The following PURB variants were observed in gnomAD, a reference collection of about 807,000 sequenced individuals.
PURB encodes the protein purine rich element binding protein B.
Under a neutral mutation model 21.1 loss-of-function variants are expected in PURB, and 11 were observed. The ratio of observed to expected loss-of-function variants is 0.52; its 90% confidence interval spans 0.33 to 0.86. PURB has a LOEUF of 0.86. Among genes scored for constraint, PURB ranks in the 40% least tolerant of loss-of-function variants. The pLI, the probability that PURB is intolerant of heterozygous loss-of-function variation, is 0.02. For synonymous variants in PURB, 246 were observed against 210.8 expected (o/e 1.17, Z -1.45); for missense variants, 357 against 456.5 (o/e 0.78, Z 1.99).
rs1041920009 is a variant in PURB, at chr7:44,882,706, G to A, written c.*1704C>T. 4.6e-5 allele frequency: 7 copies of A among 152,164 alleles called. No homozygotes were observed. The highest frequency in any genetic ancestry group is 1.7e-4 in the African/African-American group (7 of 41,440). The allele number at this position is 152,164 out of a possible 1,614,324, so 9.4% of individuals were successfully genotyped here. On this transcript the variant is annotated 3_prime_UTR_variant, in exon 1 of 1. Coordinates refer to ENST00000395699, the MANE Select transcript of PURB (RefSeq NM_033224.5). ...GGCAGCTCAAATAAGGGGCAGGCAT[G>A]CAGTTTAAAAAAAATACTAAGATTG...
rs1220306156 is a variant in PURB, at chr7:44,879,734, C to G, written c.*4676G>C. 1 of 152,574 alleles carries G rather than the reference C, an allele frequency of 6.6e-6. No homozygotes were observed. The highest frequency in any genetic ancestry group is 1.5e-5 in the Non-Finnish European group (1 of 68,028). 9.5% of individuals were successfully genotyped at this position (152,574 alleles called of 1,614,324 possible). On this transcript the variant is annotated 3_prime_UTR_variant, in exon 1 of 1. Transcript: ENST00000395699. ...AATAATACAAACCTTCTAACATTAG[C>G]AAAGATTTCTACTCTTCTTACACAG...
chr7:44,884,047 G>T lies in PURB; in HGVS notation c.*363C>A. The stretch of plus-strand genomic sequence containing the variant: ...AAATGCAACTGTTATCAATGGTCTG[G>T]GTAACTTGGACATGTTTCTTGCCCT... On this transcript the variant is annotated 3_prime_UTR_variant, in exon 1 of 1. Transcript: ENST00000395699. 1 of 296,028 alleles carries T rather than the reference G, an allele frequency of 3.4e-6. No homozygotes were observed. The allele number at this position is 296,028 out of a possible 1,614,324, so 18.3% of individuals were successfully genotyped here. A position where few individuals can be genotyped will look rare whatever the true frequency, so the allele number is the denominator to read the frequency against.
chr7:44,884,986 G>A lies in PURB; in HGVS notation c.363C>T (p.Ser121=), dbSNP rs763920000. 4 of 1,553,662 alleles carry A rather than the reference G, an allele frequency of 2.6e-6. No individual in the cohort carries two copies. Among genetic ancestry groups the A allele is most frequent in the African/African-American group, 1.4e-5 (1 of 71,446 alleles). Residue 121 remains serine, a synonymous_variant, in exon 1 of 1, where the codon AGC becomes AGT. Coordinates refer to ENST00000395699, the MANE Select transcript of PURB (RefSeq NM_033224.5). ...TGCGGTTCTCACGCACCAAGAATTC[G>A]CTCTTGAGCGCGCGCCGCGGCCCGC... ...EGGGPRRALK[S]EFLVRENRKY... is the part of the protein sequence containing the mutation.
rs1452491049 is a variant in PURB at position 44,877,808 on chromosome 7, C to T, written c.*6602G>A. The T allele has an allele frequency of 8.0e-6, 1 of 125,686 alleles. No homozygotes were observed. Among genetic ancestry groups the T allele is most frequent in the Non-Finnish European group, 1.7e-5 (1 of 58,520 alleles). 7.8% of individuals were successfully genotyped at this position (125,686 alleles called of 1,614,324 possible). ...GGACGATAAGAGCGAAACTCCGTCTCAAAAAAAAAAAAAGAATCCAGAGAG... is the reference window on the plus strand; with the variant it reads ...GGACGATAAGAGCGAAACTCCGTCTTAAAAAAAAAAAAAGAATCCAGAGAG... On this transcript the variant is annotated 3_prime_UTR_variant, in exon 1 of 1. Transcript: ENST00000395699.
At position 44,885,166 on chromosome 7, in the gene PURB, G is replaced by T. The variant is rs1281721068; in HGVS notation, c.183C>A (p.Ile61=). The T allele has an allele frequency of 1.3e-6, 2 of 1,582,506 alleles. No individual in the cohort carries two copies. The highest frequency in any genetic ancestry group is 1.7e-6 in the Non-Finnish European group (2 of 1,169,520). ...KQNAKGRFLK[I]AEVGAGGSKS... The stretch of plus-strand genomic sequence containing the variant: ...TGGAACCGCCCGCGCCCACCTCGGC[G>T]ATCTTGAGGAAGCGGCCCTTGGCGT... The change falls in exon 1 of 1, where the codon ATC becomes ATA. Residue 61 remains isoleucine (I), a synonymous_variant. Transcript: ENST00000395699.
At position 44,884,811 on chromosome 7, in the gene PURB, T is replaced by C. The variant is rs767103600; in HGVS notation, c.538A>G (p.Ile180Val). 1 of 1,594,550 alleles carries C rather than the reference T, an allele frequency of 6.3e-7. No individual in the cohort carries two copies. Among genetic ancestry groups the C allele is most frequent in the Non-Finnish European group, 8.5e-7 (1 of 1,171,572 alleles). Residue 180 changes from isoleucine (I) to valine (V), a missense_variant, in exon 1 of 1, where the codon ATC (isoleucine) becomes GTC (valine). Physicochemically the swap from Ile to Val is conservative, Grantham distance 29. Coordinates refer to ENST00000395699, the MANE Select transcript of PURB (RefSeq NM_033224.5). ...TTCGCCAGCGCGTCGCGGAACTCGA[T>C]GAGGCCCTGCGCAGGCAGCGCGATG... is the stretch of plus-strand genomic sequence containing the variant. The part of the protein sequence containing the change: ...QTIALPAQGL[I>V]EFRDALAKLI...
Position 44,885,050 on chromosome 7 carries a change from C to G in PURB, c.299G>C (p.Ser100Thr), listed in dbSNP as rs1793937054. 1.3e-6 allele frequency: 2 copies of G among 1,560,870 alleles called. No homozygotes were observed. Among genetic ancestry groups the G allele is most frequent in the Non-Finnish European group, 8.6e-7 (1 of 1,156,740 alleles). Residue 100 changes from serine (S) to threonine (T), a missense_variant, in exon 1 of 1, where the codon AGC becomes ACC. Physicochemically the swap from Ser to Thr is moderately conservative, Grantham distance 58. Transcript: ENST00000395699. Reference sequence around the variant, plus strand: ...GCCAGCCGCCAGCTGCTCGGGGCTGCTAGGGCCCAGCTGCGCGTAGTGTTC... The same window carrying G: ...GCCAGCCGCCAGCTGCTCGGGGCTGGTAGGGCCCAGCTGCGCGTAGTGTTC... ...FIEHYAQLGP[S>T]SPEQLAAGAE...
At position 44,882,178 on chromosome 7, in the gene PURB, T is replaced by C. The variant is rs953518428; in HGVS notation, c.*2232A>G. ...AGCTTCTCAGCTCCTTTACTAAAAC[T>C]ATTTAGGAATTTGTTCTCCGCAGCA... On this transcript the variant is annotated 3_prime_UTR_variant, in exon 1 of 1. Transcript: ENST00000395699. The C allele has an allele frequency of 3.9e-5, 6 of 152,598 alleles. No homozygotes were observed. Among genetic ancestry groups the C allele is most frequent in the African/African-American group, 1.4e-4 (6 of 41,460 alleles). The allele number at this position is 152,598 out of a possible 1,614,324, so 9.5% of individuals were successfully genotyped here.
chr7:44,885,290 T>G lies in PURB; in HGVS notation c.59A>C (p.Gln20Pro), dbSNP rs566602310. 3 of 1,525,158 alleles carry G rather than the reference T, an allele frequency of 2.0e-6. No homozygotes were observed. The highest frequency in any genetic ancestry group is 2.1e-5 in the Admixed American group (1 of 47,788). 94.5% of individuals were successfully genotyped at this position (1,525,158 alleles called of 1,614,324 possible). A position where few individuals can be genotyped will look rare whatever the true frequency, so the allele number is the denominator to read the frequency against. The change falls in exon 1 of 1, where the codon CAG (glutamine) becomes CCG (proline). Residue 20 changes from glutamine (Q) to proline (P), a missense_variant. Transcript: ENST00000395699. The part of the protein sequence containing the change: ...RGGGGGPCGF[Q>P]PASRGGGEQE... Reference sequence around the variant, plus strand: ...CTCGCCGCCGCCGCGGGACGCGGGCTGGAACCCGCACGGCCCACCGCCGCC... The same window carrying G: ...CTCGCCGCCGCCGCGGGACGCGGGCGGGAACCCGCACGGCCCACCGCCGCC...
In PURB at chr7:44,880,977, G is replaced by C. The variant is rs1420532301; in HGVS notation, c.*3433C>G. 2.0e-5 allele frequency: 3 copies of C among 152,584 alleles called. No homozygotes were observed. The highest frequency in any genetic ancestry group is 4.4e-5 in the Non-Finnish European group (3 of 68,010). 9.5% of individuals were successfully genotyped at this position (152,584 alleles called of 1,614,324 possible). A position where few individuals can be genotyped will look rare whatever the true frequency, so the allele number is the denominator to read the frequency against. On this transcript the variant is annotated 3_prime_UTR_variant, in exon 1 of 1. Coordinates refer to ENST00000395699, the MANE Select transcript of PURB (RefSeq NM_033224.5). Reference sequence around the variant, plus strand: ...TTTGTTCTTGTGCAGCATATGCACTGAAAAACTTGCTGCTGTTCCACTTGC... The same window carrying C: ...TTTGTTCTTGTGCAGCATATGCACTCAAAAACTTGCTGCTGTTCCACTTGC...
Position 44,885,116 on chromosome 7 carries a change from G to A in PURB, c.233C>T (p.Ala78Val), listed in dbSNP as rs749802942. The change falls in exon 1 of 1, where the codon GCG becomes GTG. Residue 78 changes from alanine to valine, a missense_variant. Transcript: ENST00000395699. ...CGAGTCGCGGAACTCGGCGGCCACC[G>A]CCATGGACAGCGTGAGGCGGCTCTT... ...GSKSRLTLSM[A>V]VAAEFRDSLG... 8 of 1,576,108 alleles carry A rather than the reference G, an allele frequency of 5.1e-6. No individual in the cohort carries two copies. Among genetic ancestry groups the A allele is most frequent in the Non-Finnish European group, 6.0e-6 (7 of 1,166,448 alleles).
At position 44,881,663 on chromosome 7, in the gene PURB, A is replaced by G. The variant is rs1026623973; in HGVS notation, c.*2747T>C. 7.8e-5 allele frequency: 12 copies of G among 153,068 alleles called. No individual in the cohort carries two copies. The highest frequency in any genetic ancestry group is 7.7e-4 in the East Asian group (4 of 5,190). The allele number at this position is 153,068 out of a possible 1,614,324, so 9.5% of individuals were successfully genotyped here. On this transcript the variant is annotated 3_prime_UTR_variant, in exon 1 of 1. Coordinates refer to ENST00000395699, the MANE Select transcript of PURB (RefSeq NM_033224.5). ...CTTTTTTTGGAGGATTTTCAAATTGATATCTAAAGATTTACATATGATATA... is the reference window on the plus strand; with the variant it reads ...CTTTTTTTGGAGGATTTTCAAATTGGTATCTAAAGATTTACATATGATATA...
rs1793880736 is a variant in PURB, at chr7:44,881,863, T to A, written c.*2547A>T. 6.5e-6 allele frequency: 1 copy of A among 154,700 alleles called. No individual in the cohort carries two copies. The highest frequency in any genetic ancestry group is 2.4e-5 in the African/African-American group (1 of 41,520). 9.6% of individuals were successfully genotyped at this position (154,700 alleles called of 1,614,324 possible). ...TGAAGGATTGTGAAGACCCTGTCAT[T>A]TCTACAGAATAGAAAGGCAAGGCTA... is the stretch of plus-strand genomic sequence containing the variant. On this transcript the variant is annotated 3_prime_UTR_variant, in exon 1 of 1. Coordinates refer to ENST00000395699, the MANE Select transcript of PURB (RefSeq NM_033224.5).
rs559559518 is a variant in PURB, at chr7:44,881,550, A to G, written c.*2860T>C. The G allele has an allele frequency of 6.5e-6, 1 of 152,766 alleles. No individual in the cohort carries two copies. The highest frequency in any genetic ancestry group is 1.9e-4 in the East Asian group (1 of 5,188). The allele number at this position is 152,766 out of a possible 1,614,324, so 9.5% of individuals were successfully genotyped here. On this transcript the variant is annotated 3_prime_UTR_variant, in exon 1 of 1. Coordinates refer to ENST00000395699, the MANE Select transcript of PURB (RefSeq NM_033224.5). ...GGTTAAGACTTAAAAACCCACCACT[A>G]TGACATTACCACTTAATCTTACATA...
Position 44,879,914 on chromosome 7 carries a change from T to C in PURB, c.*4496A>G, listed in dbSNP as rs1417163793. The C allele has an allele frequency of 6.6e-6, 1 of 152,514 alleles. No individual in the cohort carries two copies. The highest frequency in any genetic ancestry group is 1.5e-5 in the Non-Finnish European group (1 of 68,042). 9.4% of individuals were successfully genotyped at this position (152,514 alleles called of 1,614,324 possible). On this transcript the variant is annotated 3_prime_UTR_variant, in exon 1 of 1. Coordinates refer to ENST00000395699, the MANE Select transcript of PURB (RefSeq NM_033224.5). The stretch of plus-strand genomic sequence containing the variant: ...AAATATACAATGTAAAGTCACTTGA[T>C]ATTTTTTCAAGTGAAGTACAAAGTA...
Position 44,882,921 on chromosome 7 carries a change from T to C in PURB, c.*1489A>G, listed in dbSNP as rs1475162205. On this transcript the variant is annotated 3_prime_UTR_variant, in exon 1 of 1. Transcript: ENST00000395699. Reference sequence around the variant, plus strand: ...ATTTCTACTGAAAATCCATTTAAAATATAGAAGAGGCGATCCTTGAAAACC... The same window carrying C: ...ATTTCTACTGAAAATCCATTTAAAACATAGAAGAGGCGATCCTTGAAAACC... 2 of 152,210 alleles carry C rather than the reference T, an allele frequency of 1.3e-5. No individual in the cohort carries two copies. Among genetic ancestry groups the C allele is most frequent in the Non-Finnish European group, 2.9e-5 (2 of 68,030 alleles). 9.4% of individuals were successfully genotyped at this position (152,210 alleles called of 1,614,324 possible).
In PURB at chr7:44,884,384, G is replaced by A; in HGVS notation, c.*26C>T. ...TAGCCAAGGGGATGGTGGTTGGGTG[G>A]AGGCCTGTAGGGGAAGCTGCCCGTT... is the stretch of plus-strand genomic sequence containing the variant. On this transcript the variant is annotated 3_prime_UTR_variant, in exon 1 of 1. Transcript: ENST00000395699. 1 of 1,604,542 alleles carries A rather than the reference G, an allele frequency of 6.2e-7. No homozygotes were observed. Among genetic ancestry groups the A allele is most frequent in the South Asian group, 1.1e-5 (1 of 90,428 alleles).
Position 44,884,859 on chromosome 7 carries a change from C to A in PURB, c.490G>T (p.Gly164Cys), listed in dbSNP as rs753843432. The change falls in exon 1 of 1, where the codon GGC (glycine) becomes TGC (cysteine). Residue 164 changes from glycine (G) to cysteine (C), a missense_variant. Physicochemically the swap from Gly to Cys is radical, Grantham distance 159 (BLOSUM62 -3). Coordinates refer to ENST00000395699, the MANE Select transcript of PURB (RefSeq NM_033224.5). ...GGGFGAGPGP[G>C]GLQSGQTIAL... Reference sequence around the variant, plus strand: ...ATGGTCTGGCCGCTCTGCAAGCCGCCCGGCCCGGGGCCCGCGCCGAAGCCG... The same window carrying A: ...ATGGTCTGGCCGCTCTGCAAGCCGCACGGCCCGGGGCCCGCGCCGAAGCCG... The A allele has an allele frequency of 6.4e-7, 1 of 1,560,154 alleles. No individual in the cohort carries two copies. Among genetic ancestry groups the A allele is most frequent in the Non-Finnish European group, 8.7e-7 (1 of 1,154,688 alleles).
In PURB at chr7:44,878,528, ATTGTT is replaced by A. The variant is rs933432903; in HGVS notation, c.*5877_*5881del. Reference sequence around the variant, plus strand: ...CTACCAATATGGCAGTTGCTATTCTATTGTTTTAACATGACTCTACCTATCCCAAT... The same window carrying A: ...CTACCAATATGGCAGTTGCTATTCTATTAACATGACTCTACCTATCCCAAT... On this transcript the variant is annotated 3_prime_UTR_variant, in exon 1 of 1. Coordinates refer to ENST00000395699, the MANE Select transcript of PURB (RefSeq NM_033224.5). The A allele has an allele frequency of 6.6e-6, 1 of 152,582 alleles. No individual in the cohort carries two copies. The highest frequency in any genetic ancestry group is 1.5e-5 in the Non-Finnish European group (1 of 68,036). 9.5% of individuals were successfully genotyped at this position (152,582 alleles called of 1,614,324 possible).
Sources: gnomAD v4.1 joint callset for allele counts on GRCh38, gnomAD v4.1.1 for gene constraint, MANE v1.5 for transcripts, NCBI Gene and HGNC (gene_info 2026-07-23, HGNC 2026-07-21) for gene names.